The following USH2A variants were observed in gnomAD, a reference collection of about 807,000 sequenced individuals.
The protein encoded by USH2A is Usher syndrome 2A (autosomal recessive, mild).
USH2A carries 443 observed loss-of-function variants against 538.9 expected under a neutral mutation model. That is an observed-to-expected ratio of 0.82 (90% CI 0.76 to 0.89). USH2A has a LOEUF of 0.89. Ranked by LOEUF, USH2A falls within the 40% of genes least tolerant of loss-of-function variation. The probability of loss-of-function intolerance (pLI) is 0.00; values close to 1 mark genes in which losing one functional copy is unlikely to be tolerated. For missense variants in USH2A, 6,633 were observed against 6,324.8 expected (o/e 1.05, Z -1.65); for synonymous variants, 2,413 against 2,273.5 (o/e 1.06, Z -1.75).
chr1:215,791,687 T>C (rs1039814507), intron 50 of USH2A, among the ~76,000 whole-genome samples: 1 of 152,234 alleles, frequency 6.6e-6, no homozygotes, highest in Non-Finnish European at 1.5e-5. Context: ...TTAGTGGTTT[T>C]AACATTTCTA....
chr1:215,862,315 C>G (rs1664338302), intron 44 of USH2A, among the ~76,000 whole-genome samples: 1 of 151,396 alleles, frequency 6.6e-6, no homozygotes, highest in African/African-American at 2.4e-5. Context: ...ATAGCAAGGA[C>G]AAAAAACCAA....
chr1:215,966,002 C>A (rs950456083), intron 36 of USH2A, among the ~76,000 whole-genome samples: 1 of 151,710 alleles, frequency 6.6e-6, no homozygotes, highest in Non-Finnish European at 1.5e-5. Flanking sequence ...CGCACACACA[C>A]GCAAAATTTT....
chr1:216,168,723 T>C (rs943779243), intron 21 of USH2A, among the ~76,000 whole-genome samples: 2 of 152,094 alleles, frequency 1.3e-5, no homozygotes, highest in African/African-American at 4.8e-5. Flanking sequence ...ACATCACTGT[T>C]GGAAAATTTA....
rs768615723 is a variant in USH2A, at chr1:216,190,271, C to A, written c.4348G>T (p.Val1450Phe). 5 of 1,612,548 alleles carry A rather than the reference C, an allele frequency of 3.1e-6. No homozygotes were observed. The highest frequency in any genetic ancestry group is 8.5e-7 in the Non-Finnish European group (1 of 1,179,118). Residue 1450 changes from valine to phenylalanine, a missense_variant, in exon 20 of 72, where the codon GTT (valine) becomes TTT (phenylalanine). Physicochemically the swap from Val to Phe is conservative, Grantham distance 50. Coordinates refer to ENST00000307340, the MANE Select transcript of USH2A (RefSeq NM_206933.4). Reference sequence around the variant, plus strand: ...CCCGAAGCACTGGTCACACAACCAACTGAATTGCAGAGAGTAATAGTAAAC... The same window carrying A: ...CCCGAAGCACTGGTCACACAACCAAATGAATTGCAGAGAGTAATAGTAAAC... ...YEFTITLCNS[V>F]GCVTSASGAG... is the part of the protein sequence containing the mutation.
Position 215,766,681 on chromosome 1 carries a change from C to CT in USH2A, c.11046dup (p.Gly3683ArgfsTer38). 1 of 1,612,908 alleles carries CT rather than the reference C, an allele frequency of 6.2e-7. No homozygotes were observed. The highest frequency in any genetic ancestry group is 8.5e-7 in the Non-Finnish European group (1 of 1,179,028). On this transcript the variant is annotated frameshift_variant and splice_region_variant, in exon 56 of 72. Transcript: ENST00000307340. LOFTEE classifies it high-confidence loss of function. ...CAAACCATGGATATTGTTTCATTAC[C>CT]TTCAGGAGCTGCCTGCAGTGTCTGA...
At chr1:215,731,151 A>C (rs1356778278) in intron 60 of USH2A, among the ~76,000 whole-genome samples, 1 of 152,226 alleles carries the variant, frequency 6.6e-6, no homozygotes, top group Admixed American at 6.5e-5. Flanking sequence ...CGACATTCTT[A>C]ACAAAATTTG....
chr1:215,903,699 A>G (rs996354740), intron 38 of USH2A, among the ~76,000 whole-genome samples: 3 of 152,142 alleles, frequency 2.0e-5, no homozygotes, highest in African/African-American at 7.2e-5. Context: ...GAATAATAGC[A>G]AAGATCTCCT....
intron 44 of USH2A, among the ~76,000 whole-genome samples, chr1:215,862,996 C>G (rs1664359847): frequency 6.6e-6 from 1 of 152,098 alleles, no homozygotes; most frequent in Non-Finnish European, 1.5e-5. Context: ...GAATCACCAA[C>G]AAGAGAACAG....
chr1:215,740,864 C>T (rs1660280085), intron 60 of USH2A, among the ~76,000 whole-genome samples: 1 of 152,136 alleles, frequency 6.6e-6, no homozygotes. Context: ...AAGGAAGGCA[C>T]AACCTAGATC....
intron 64 of USH2A, among the ~76,000 whole-genome samples, chr1:215,669,435 C>T (rs1382888661): frequency 6.6e-6 from 1 of 152,102 alleles, no homozygotes; most frequent in African/African-American, 2.4e-5. Context: ...CCTTGGGGGC[C>T]TGATGTGTTT....
At chr1:215,789,886 A>G (rs1488798863) in intron 51 of USH2A, among the ~76,000 whole-genome samples, 173 bp downstream of exon 51, 1 of 152,214 alleles carries the variant, frequency 6.6e-6, no homozygotes, top group Non-Finnish European at 1.5e-5. Context: ...TTTAGAATTC[A>G]TTGCAATAAC....
At chr1:215,880,591 T>C (rs1245668953) in intron 41 of USH2A, among the ~76,000 whole-genome samples, 1 of 152,132 alleles carries the variant, frequency 6.6e-6, no homozygotes, top group East Asian at 1.9e-4. Flanking sequence ...GTAGCACAGA[T>C]ATAGGACGCT....
At position 216,318,177 on chromosome 1, in the gene USH2A, A is replaced by G. The variant is rs371321667; in HGVS notation, c.1644+3706T>C. 6.3e-4 allele frequency among the ~76,000 whole-genome samples: 96 copies of G among 152,296 alleles called. 1 individual carries two copies. Among genetic ancestry groups the G allele is most frequent in the African/African-American group, 2.3e-3 (95 of 41,574 alleles). ...TCCTTACATTTTCATCTGTTTGCCA[A>G]ATGTCTGTAATATAATTCACAAAAG... is the stretch of plus-strand genomic sequence containing the variant. On this transcript the variant is annotated intron_variant, in intron 9 of 71. Coordinates refer to ENST00000307340, the MANE Select transcript of USH2A (RefSeq NM_206933.4).
chr1:216,221,550 C>A (rs760368503), intron 14 of USH2A, among the ~76,000 whole-genome samples: 2 of 152,144 alleles, frequency 1.3e-5, no homozygotes, highest in Non-Finnish European at 2.9e-5. Flanking sequence ...CAAGGAAATA[C>A]GAGTGCCTCA....
rs1004118962 is a variant in USH2A, at chr1:215,748,857, G to T, written c.11390-5522C>A. Among the ~76,000 whole-genome samples, 19 of 152,136 alleles carry T rather than the reference G, an allele frequency of 1.2e-4. 1 individual carries two copies. The highest frequency in any genetic ancestry group is 1.2e-3 in the Admixed American group (18 of 15,272). ...CCTTTCAATATATTCCCATAACATA[G>T]AAAGTACTTAATAAATGGCTGACAT... On this transcript the variant is annotated intron_variant, in intron 58 of 71. Transcript: ENST00000307340.
At chr1:216,031,778 T>C (rs1222872034) in intron 32 of USH2A, among the ~76,000 whole-genome samples, 1 of 152,228 alleles carries the variant, frequency 6.6e-6, no homozygotes, top group Admixed American at 6.5e-5. Flanking sequence ...CTTCTCACTA[T>C]TGATTACTTA....
rs17025416 is a variant in USH2A at position 215,780,264 on chromosome 1, C to T, written c.10741-223G>A. Among the ~76,000 whole-genome samples, 10,879 of 152,084 alleles carry T rather than the reference C, an allele frequency of 0.072. 755 individuals carry two copies. Among genetic ancestry groups the T allele is most frequent in the East Asian group, 0.35 (1,799 of 5,146 alleles). On this transcript the variant is annotated intron_variant, in intron 54 of 71. Coordinates refer to ENST00000307340, the MANE Select transcript of USH2A (RefSeq NM_206933.4). ...ACATAAGTCTCACACTACCATTTAT[C>T]ACAACAGGTTCAACAACAATTTTGA...
At chr1:215,753,155 G>T (rs1660677049) in intron 58 of USH2A, among the ~76,000 whole-genome samples, 1 of 152,018 alleles carries the variant, frequency 6.6e-6, no homozygotes, top group African/African-American at 2.4e-5. Flanking sequence ...AAAAAGTCAG[G>T]AAACAACAGG....
intron 70 of USH2A, among the ~76,000 whole-genome samples, chr1:215,633,177 AC>A (rs1343721516): frequency 6.6e-6 from 1 of 152,178 alleles, no homozygotes; most frequent in African/African-American, 2.4e-5. Flanking sequence ...AGTGTGAGCC[AC>A]CCAAGGAGCA....
Sources: gnomAD v4.1 joint callset for allele counts (sites outside exome capture counted in the v4.1 genomes callset) on GRCh38, gnomAD v4.1.1 for gene constraint, MANE v1.5 for transcripts, NCBI Gene and HGNC (gene_info 2026-07-23, HGNC 2026-07-21) for gene names.